PPARGC1A: variants seen among roughly 807,000 people sequenced by gnomAD.
PPARGC1A encodes PPARG coactivator 1 alpha.
PPARGC1A carries 25 observed loss-of-function variants against 88.7 expected under a neutral mutation model. That is an observed-to-expected ratio of 0.28 (90% CI 0.21 to 0.39). The LOEUF is 0.39. PPARGC1A is among the 10% of genes least tolerant of loss of function. PPARGC1A has a pLI of 1.00. For synonymous variants in PPARGC1A, 363 were observed against 355.6 expected (o/e 1.02, Z -0.24); for missense variants, 880 against 968.7 (o/e 0.91, Z 1.22).
chr4:24,457,900 G>C, the PPARGC1A span, among the ~76,000 whole-genome samples: 1 of 152,032 alleles, frequency 6.6e-6, no homozygotes, highest in Non-Finnish European at 1.5e-5. Context: ...TCCTTGTTTT[G>C]AAGTTAGGTA....
chr4:24,201,047 C>T, the PPARGC1A span, among the ~76,000 whole-genome samples: 1 of 152,170 alleles, frequency 6.6e-6, no homozygotes, highest in East Asian at 1.9e-4. Flanking sequence ...AAAGACAAGA[C>T]TCCCTACTTC....
chr4:23,812,282 C>T lies in PPARGC1A; in HGVS notation c.2019+465G>A, dbSNP rs534716452. Among the ~76,000 whole-genome samples the T allele has an allele frequency of 2.6e-5, 4 of 152,156 alleles. No individual in the cohort carries two copies. The East Asian group carries it at 7.8e-4, about 30-fold the overall frequency. The stretch of plus-strand genomic sequence containing the variant: ...TCTTAGCAACTCTTCCTCCACTGCT[C>T]CTTTAAATCCAACTTGAACTCAGTC... On this transcript the variant is annotated intron_variant, in intron 10 of 12. Transcript: ENST00000264867.
chr4:23,994,542 A>G, the PPARGC1A span, among the ~76,000 whole-genome samples: 11 of 152,150 alleles, frequency 7.2e-5, no homozygotes, highest in African/African-American at 2.7e-4. Flanking sequence ...TAGCACTAAT[A>G]AAGGTCACAT....
the PPARGC1A span, among the ~76,000 whole-genome samples, chr4:24,392,449 AC>A: frequency 1.3e-5 from 2 of 152,192 alleles, no homozygotes; most frequent in Non-Finnish European, 2.9e-5. Flanking sequence ...TGAAAAATAT[AC>A]TGTGAAATGA....
chr4:23,971,162 T>C, the PPARGC1A span, among the ~76,000 whole-genome samples: 27 of 152,188 alleles, frequency 1.8e-4, no homozygotes, highest in Non-Finnish European at 4.4e-5. Context: ...ATACATATAT[T>C]AAGAATATTA....
At chr4:24,246,543 A>G in the PPARGC1A span, among the ~76,000 whole-genome samples, 1 of 152,188 alleles carries the variant, frequency 6.6e-6, no homozygotes, top group Non-Finnish European at 1.5e-5. Flanking sequence ...TAAGCCTGGA[A>G]GGTTCAAGGC....
chr4:24,312,561 CTCTT>C, the PPARGC1A span, among the ~76,000 whole-genome samples: 1 of 142,888 alleles, frequency 7.0e-6, no homozygotes, highest in Non-Finnish European at 1.5e-5. Context: ...TTTTGCTTTT[CTCTT>C]TGTCTTAATT....
the PPARGC1A span, among the ~76,000 whole-genome samples, chr4:24,472,138 G>T: frequency 6.6e-6 from 1 of 152,224 alleles, no homozygotes. This position sits in a 1 kb window ranked among gnomAD's most constrained non-coding sequence, Gnocchi z 4.5. Context: ...GGGGGAAGGT[G>T]TCGATGGCAG....
the PPARGC1A span, among the ~76,000 whole-genome samples, chr4:24,390,779 A>C: frequency 7.2e-5 from 11 of 151,952 alleles, no homozygotes; most frequent in African/African-American, 2.7e-4. Context: ...ACCTTTTTTA[A>C]ATAGTAAGTG....
At chr4:24,004,046 T>G in the PPARGC1A span, among the ~76,000 whole-genome samples, 2 of 152,208 alleles carry the variant, frequency 1.3e-5, no homozygotes, top group Non-Finnish European at 2.9e-5. Context: ...TCATATGGTT[T>G]GTCCATGTTC....
chr4:23,824,514 G>GAA lies in PPARGC1A; in HGVS notation c.758-8_758-7dup, dbSNP rs541724886. The GAA allele has an allele frequency of 3.1e-5, 45 of 1,429,958 alleles. No homozygotes were observed. The highest frequency in any genetic ancestry group is 6.2e-5 in the Admixed American group (3 of 48,494). The allele number at this position is 1,429,958 out of a possible 1,614,324, so 88.6% of individuals were successfully genotyped here. A position where few individuals can be genotyped will look rare whatever the true frequency, so the allele number is the denominator to read the frequency against. On this transcript the variant is annotated splice_polypyrimidine_tract_variant and splice_region_variant and intron_variant, in intron 5 of 12. Coordinates refer to ENST00000264867, the MANE Select transcript of PPARGC1A (RefSeq NM_013261.5). ...AGATAAAGTTGTTGGTTTGGCTAAA[G>GAA]AAAAAAAAAAGAAACTAATTATGTA...
chr4:24,368,371 A>G, the PPARGC1A span, among the ~76,000 whole-genome samples: 1 of 152,184 alleles, frequency 6.6e-6, no homozygotes, highest in South Asian at 2.1e-4. Flanking sequence ...GATACTTTCA[A>G]TAAGTGATAA....
chr4:24,119,325 A>C, the PPARGC1A span, among the ~76,000 whole-genome samples: 1 of 152,180 alleles, frequency 6.6e-6, no homozygotes, highest in African/African-American at 2.4e-5. Context: ...CACCAGAAGC[A>C]CATTCGGAAT....
the PPARGC1A span, among the ~76,000 whole-genome samples, chr4:24,284,507 T>C: frequency 6.6e-6 from 1 of 152,184 alleles, no homozygotes; most frequent in African/African-American, 2.4e-5. Flanking sequence ...AAATGGACAT[T>C]TTGAAGGGAA....
At position 23,844,496 on chromosome 4, in the gene PPARGC1A, TATATA is replaced by T. The variant is rs1229393429; in HGVS notation, c.235-12750_235-12746del. The stretch of plus-strand genomic sequence containing the variant: ...TATTAATATATTATAATAATCATAA[TATATA>T]ATATAATAATATAATAATCACATAA... On this transcript the variant is annotated intron_variant, in intron 2 of 12. Transcript: ENST00000264867. 1.2e-4 allele frequency among the ~76,000 whole-genome samples: 6 copies of T among 51,834 alleles called. No individual in the cohort carries two copies. The South Asian group carries it at 1.6e-3, about 14-fold the overall frequency. 34.0% of individuals were successfully genotyped at this position (51,834 alleles called of 152,430 possible).
the PPARGC1A span, among the ~76,000 whole-genome samples, chr4:24,188,742 G>A: frequency 6.6e-6 from 1 of 152,058 alleles, no homozygotes; most frequent in Non-Finnish European, 1.5e-5. Context: ...TATAGTGGTT[G>A]CTCAAAATAT....
At chr4:24,149,301 G>A in the PPARGC1A span, among the ~76,000 whole-genome samples, 6 of 151,924 alleles carry the variant, frequency 3.9e-5, no homozygotes, top group Non-Finnish European at 8.8e-5. Flanking sequence ...TGCTCCTAAA[G>A]CCAATATTTC....
At chr4:24,381,647 A>T in the PPARGC1A span, among the ~76,000 whole-genome samples, 3 of 152,276 alleles carry the variant, frequency 2.0e-5, no homozygotes, top group Non-Finnish European at 2.9e-5. Context: ...GTCTCACCTT[A>T]AACTGTGGTG....
At chr4:24,428,742 G>A in the PPARGC1A span, among the ~76,000 whole-genome samples, 1 of 152,182 alleles carries the variant, frequency 6.6e-6, no homozygotes, top group South Asian at 2.1e-4. Flanking sequence ...TAACATAATA[G>A]GAAGATATTC....
Sources: gnomAD v4.1 joint callset for allele counts (sites outside exome capture counted in the v4.1 genomes callset) on GRCh38, gnomAD v4.1.1 for gene constraint, Gnocchi (gnomAD v3.1) non-coding constraint, MANE v1.5 for transcripts, NCBI Gene and HGNC (gene_info 2026-07-23, HGNC 2026-07-21) for gene names.